The following SLC39A11 variants were observed in gnomAD, a reference collection of about 807,000 sequenced individuals.
SLC39A11 encodes the protein solute carrier family 39 member 11.
In SLC39A11, 33 loss-of-function variants were observed where a neutral mutation model predicts 36.1. The observed-to-expected ratio is 0.91, with a 90% CI of 0.69 to 1.22. The LOEUF is 1.22. Ranked by LOEUF, SLC39A11 falls within the 50% of genes most tolerant of loss-of-function variation. SLC39A11 has a pLI of 0.00. For synonymous variants in SLC39A11, 166 were observed against 170.3 expected (o/e 0.97, Z 0.20); for missense variants, 432 against 430.3 (o/e 1.00, Z -0.03).
chr17:72,999,777 G>T (rs1468081586), intron 4 of SLC39A11, among the ~76,000 whole-genome samples: 1 of 152,144 alleles, frequency 6.6e-6, no homozygotes, highest in African/African-American at 2.4e-5. Flanking sequence ...TTTCACTCTT[G>T]TTGCCCAGGC....
intron 4 of SLC39A11, among the ~76,000 whole-genome samples, chr17:72,956,262 A>C (rs1372209210): frequency 1.3e-5 from 2 of 152,204 alleles, no homozygotes; most frequent in Non-Finnish European, 1.5e-5. Context: ...GTGAGAGACA[A>C]AACCTTTTCC....
In SLC39A11 at chr17:73,080,467, C is replaced by A. The variant is rs374045035; in HGVS notation, c.147+4341G>T. ...ACAAAACTGGATCCTCATCTCTCACCTTATACAAAAATCAACTTAAGATGG... is the reference window on the plus strand; with the variant it reads ...ACAAAACTGGATCCTCATCTCTCACATTATACAAAAATCAACTTAAGATGG... On this transcript the variant is annotated intron_variant, in intron 3 of 9. Transcript: ENST00000255559. Among the ~76,000 whole-genome samples the A allele has an allele frequency of 6.6e-5, 10 of 152,246 alleles. No individual in the cohort carries two copies. In the East Asian group the frequency reaches 7.7e-4, roughly 12 times the overall value.
chr17:73,012,529 GTT>G (rs58612518), intron 4 of SLC39A11, among the ~76,000 whole-genome samples: 1 of 148,056 alleles, frequency 6.8e-6, no homozygotes, highest in African/African-American at 2.5e-5. Context: ...GTATTTCCCA[GTT>G]TTTTTTTTTC....
intron 5 of SLC39A11, among the ~76,000 whole-genome samples, chr17:72,856,537 C>T (rs894221359): frequency 5.3e-5 from 8 of 152,034 alleles, no homozygotes; most frequent in Non-Finnish European, 8.8e-5. Flanking sequence ...GAGTTTTAGC[C>T]TCAAATTTTA....
Position 72,736,271 on chromosome 17 carries a change from C to T in SLC39A11, c.671+379G>A, listed in dbSNP as rs77874001. Among the ~76,000 whole-genome samples the T allele has an allele frequency of 1.0e-3, 153 of 152,148 alleles. 7 individuals are homozygous for T. The East Asian group carries it at 0.024, about 24-fold the overall frequency. On this transcript the variant is annotated intron_variant, in intron 7 of 9. Transcript: ENST00000255559. ...GAGCAGGTGGAAAGAGAGAGGGAAA[C>T]GAAGGGACCCTAGCATCAAGAAAGA...
intron 7 of SLC39A11, among the ~76,000 whole-genome samples, chr17:72,678,572 G>A (rs2071374600): frequency 6.6e-6 from 1 of 152,134 alleles, no homozygotes; most frequent in Non-Finnish European, 1.5e-5. Context: ...CGGCATGGTG[G>A]CGTGCGCCTG....
chr17:72,694,819 C>CA (rs1397112454), intron 7 of SLC39A11, among the ~76,000 whole-genome samples: 1 of 152,204 alleles, frequency 6.6e-6, no homozygotes. Context: ...CTTTGCCTTG[C>CA]AGATGCTCCT....
intron 5 of SLC39A11, among the ~76,000 whole-genome samples, chr17:72,883,822 C>G (rs1196639452): frequency 6.6e-6 from 1 of 152,064 alleles, no homozygotes; most frequent in Admixed American, 6.6e-5. Context: ...AAGTTGGGCC[C>G]AAGTAGGGCC....
In SLC39A11 at chr17:72,653,441, CTT is replaced by C. The variant is rs66924570; in HGVS notation, c.672-4175_672-4174del. Among the ~76,000 whole-genome samples the C allele has an allele frequency of 5.1e-3, 637 of 124,760 alleles. 4 individuals carry two copies. The highest frequency in any genetic ancestry group is 6.8e-3 in the Non-Finnish European group (408 of 59,850). The allele number at this position is 124,760 out of a possible 152,430, so 81.8% of individuals were successfully genotyped here. A position where few individuals can be genotyped will look rare whatever the true frequency, so the allele number is the denominator to read the frequency against. On this transcript the variant is annotated intron_variant, in intron 7 of 9. Transcript: ENST00000255559. ...TTTGGTTTTTCTTTTCTTTTCTTTT[CTT>C]TTTTTTTTTTTGAGAAGGAGTCTCG... is the stretch of plus-strand genomic sequence containing the variant.
chr17:72,886,999 C>A (rs2081469879), intron 5 of SLC39A11, among the ~76,000 whole-genome samples: 1 of 152,208 alleles, frequency 6.6e-6, no homozygotes, highest in African/African-American at 2.4e-5. Context: ...AAAATAACAG[C>A]CCAGTCACAC....
In SLC39A11 at chr17:73,056,021, T is replaced by G. The variant is rs551172685; in HGVS notation, c.148-24307A>C. ...GTAATTGTCTTTCTGATACTTTTGG[T>G]GCCCACTATGGGGCACAGAGGACAC... On this transcript the variant is annotated intron_variant, in intron 3 of 9. Coordinates refer to ENST00000255559, the MANE Select transcript of SLC39A11 (RefSeq NM_139177.4). 1.2e-3 allele frequency among the ~76,000 whole-genome samples: 182 copies of G among 152,260 alleles called. 1 individual carries two copies. The highest frequency in any genetic ancestry group is 2.2e-3 in the Non-Finnish European group (149 of 68,022).
At chr17:72,787,253 CTT>C (rs56100121) in intron 6 of SLC39A11, among the ~76,000 whole-genome samples, 12 of 80,484 alleles carry the variant, frequency 1.5e-4, no homozygotes, top group African/African-American at 3.6e-4. Flanking sequence ...TAACCCATGG[CTT>C]TTTTTTTTTT....
intron 5 of SLC39A11, among the ~76,000 whole-genome samples, chr17:72,939,924 T>C (rs2084993535): frequency 6.6e-6 from 1 of 152,190 alleles, no homozygotes. Context: ...CAGTTGAGCA[T>C]CCCAAATCTG....
Position 72,647,436 on chromosome 17 carries a change from A to T in SLC39A11, c.*148T>A. 1 of 580,152 alleles carries T rather than the reference A, an allele frequency of 1.7e-6. No individual in the cohort carries two copies. The highest frequency in any genetic ancestry group is 3.0e-6 in the Non-Finnish European group (1 of 331,298). The allele number at this position is 580,152 out of a possible 1,614,324, so 35.9% of individuals were successfully genotyped here. ...CTCAAAGCAAAGTAAAAATGGTTCT[A>T]TTATAATCAGAGTCAATCAGGATAA... On this transcript the variant is annotated 3_prime_UTR_variant, in exon 10 of 10. Transcript: ENST00000255559.
intron 6 of SLC39A11, among the ~76,000 whole-genome samples, chr17:72,784,549 T>C (rs750576217): frequency 1.3e-5 from 2 of 152,110 alleles, no homozygotes; most frequent in African/African-American, 2.4e-5. Context: ...AAATATCATG[T>C]TGAATTGTAA....
intron 4 of SLC39A11, among the ~76,000 whole-genome samples, chr17:72,958,634 T>C (rs1415924291): frequency 6.6e-6 from 1 of 152,150 alleles, no homozygotes; most frequent in Non-Finnish European, 1.5e-5. Flanking sequence ...GCATATCACC[T>C]GGGATCAGGA....
At chr17:73,009,742 A>AT (rs1235841094) in intron 4 of SLC39A11, among the ~76,000 whole-genome samples, 1 of 152,012 alleles carries the variant, frequency 6.6e-6, no homozygotes, top group Admixed American at 6.6e-5. Context: ...AATACAACAA[A>AT]TTTTTTTTAT....
rs558331669 is a variant in SLC39A11, at chr17:73,067,628, C to T, written c.147+17180G>A. ...AGCAGATCTGCAGCAATAATAGTAA[C>T]AAGCAGGAGCAATGGGGGTACTATA... On this transcript the variant is annotated intron_variant, in intron 3 of 9. Transcript: ENST00000255559. 1.8e-4 allele frequency among the ~76,000 whole-genome samples: 27 copies of T among 152,196 alleles called. 1 individual carries two copies. The South Asian group carries it at 5.4e-3, about 30-fold the overall frequency.
chr17:73,029,377 T>A (rs916162959), intron 4 of SLC39A11, among the ~76,000 whole-genome samples: 2 of 151,860 alleles, frequency 1.3e-5, no homozygotes, highest in Non-Finnish European at 2.9e-5. Context: ...CTGAGCCAGA[T>A]CTCTGCCTGC....
Sources: gnomAD v4.1 joint callset for allele counts (sites outside exome capture counted in the v4.1 genomes callset) on GRCh38, gnomAD v4.1.1 for gene constraint, MANE v1.5 for transcripts, NCBI Gene and HGNC (gene_info 2026-07-23, HGNC 2026-07-21) for gene names.